Variants in SLC10A7 observed in about 807,000 individuals in gnomAD.
SLC10A7 encodes the protein solute carrier family 10 member 7.
Under a neutral mutation model 43.2 loss-of-function variants are expected in SLC10A7, and 29 were observed. That is an observed-to-expected ratio of 0.67 (90% CI 0.50 to 0.92). SLC10A7 has a LOEUF of 0.92. SLC10A7 is among the 40% of genes least tolerant of loss of function. The pLI is 0.00. For synonymous variants in SLC10A7, 152 were observed against 144.8 expected (o/e 1.05, Z -0.35); for missense variants, 295 against 403.2 (o/e 0.73, Z 2.30).
intron 4 of SLC10A7, among the ~76,000 whole-genome samples, chr4:146,484,196 T>C (rs905568112): frequency 1.3e-5 from 2 of 152,084 alleles, no homozygotes; most frequent in African/African-American, 4.8e-5. Context: ...TACAAAAATA[T>C]TTTCTAAGGT....
intron 2 of SLC10A7, among the ~76,000 whole-genome samples, chr4:146,512,733 A>T (rs1359928802): frequency 6.6e-6 from 1 of 152,210 alleles, no homozygotes; most frequent in Non-Finnish European, 1.5e-5. Flanking sequence ...TACATATATC[A>T]TTTGACCTAG....
At chr4:146,453,403 G>T (rs1199184836) in intron 4 of SLC10A7, among the ~76,000 whole-genome samples, 2 of 151,944 alleles carry the variant, frequency 1.3e-5, no homozygotes, top group Non-Finnish European at 2.9e-5. Flanking sequence ...GACAATATGT[G>T]CATGTTACAG....
intron 5 of SLC10A7, among the ~76,000 whole-genome samples, chr4:146,426,748 G>A (rs768208465): frequency 2.0e-5 from 3 of 151,996 alleles, no homozygotes. Flanking sequence ...GGTGGTATGC[G>A]CCTGTAACCC....
At chr4:146,287,219 G>T (rs989009301) in intron 9 of SLC10A7, among the ~76,000 whole-genome samples, 1 of 151,884 alleles carries the variant, frequency 6.6e-6, no homozygotes, top group Non-Finnish European at 1.5e-5. Context: ...CTGGTGAGAA[G>T]GACCGTCTTT....
chr4:146,470,694 G>T (rs1339054449), intron 4 of SLC10A7, among the ~76,000 whole-genome samples: 2 of 152,086 alleles, frequency 1.3e-5, no homozygotes, highest in Admixed American at 1.3e-4. Context: ...GAAATCATGT[G>T]AATTCTTTTT....
chr4:146,276,311 G>A (rs906287630), intron 10 of SLC10A7, among the ~76,000 whole-genome samples: 3 of 152,152 alleles, frequency 2.0e-5, no homozygotes, highest in African/African-American at 7.2e-5. Flanking sequence ...AGTTGTGGCT[G>A]AACACTACAG....
At chr4:146,352,052 A>C (rs1300156290) in intron 5 of SLC10A7, among the ~76,000 whole-genome samples, 1 of 111,490 alleles carries the variant, frequency 9.0e-6, no homozygotes, top group East Asian at 2.3e-4. Flanking sequence ...CTTTAAATAT[A>C]AATGGACTAA....
At chr4:146,286,646 A>G (rs1489108833) in intron 9 of SLC10A7, among the ~76,000 whole-genome samples, 3 of 147,370 alleles carry the variant, frequency 2.0e-5, no homozygotes, top group Admixed American at 6.7e-5. Flanking sequence ...AGTGGTGAGA[A>G]GGACCGTGTC....
At chr4:146,484,635 T>C (rs916348829) in intron 4 of SLC10A7, among the ~76,000 whole-genome samples, 3 of 152,160 alleles carry the variant, frequency 2.0e-5, no homozygotes, top group African/African-American at 4.8e-5. Context: ...AGATCTAATG[T>C]ACACATGAGG....
intron 10 of SLC10A7, among the ~76,000 whole-genome samples, chr4:146,271,886 C>T (rs1319050081): frequency 1.3e-5 from 2 of 152,138 alleles, no homozygotes; most frequent in African/African-American, 4.8e-5. Flanking sequence ...CTCCCTATTT[C>T]CTTCAGGTAT....
chr4:146,376,041 A>G (rs1737174986), intron 5 of SLC10A7, among the ~76,000 whole-genome samples: 1 of 152,152 alleles, frequency 6.6e-6, no homozygotes, highest in African/African-American at 2.4e-5. Flanking sequence ...ACGTTTACCC[A>G]TTTACTGTAC....
At position 146,521,281 on chromosome 4, in the gene SLC10A7, C is replaced by G. The variant is rs960736540; in HGVS notation, c.100+337G>C. Among the ~76,000 whole-genome samples, 3 of 151,760 alleles carry G rather than the reference C, an allele frequency of 2.0e-5. No homozygotes were observed. In the South Asian group the frequency reaches 6.3e-4, roughly 32 times the overall value. ...AATGAGGTCCACTCCAAGATAGATA[C>G]GGAACTCTTAGCAACCTAGATTCCC... On this transcript the variant is annotated intron_variant, in intron 1 of 11. Coordinates refer to ENST00000335472, the MANE Select transcript of SLC10A7 (RefSeq NM_001029998.6).
At chr4:146,429,010 C>A (rs1729579529) in intron 5 of SLC10A7, among the ~76,000 whole-genome samples, 1 of 152,058 alleles carries the variant, frequency 6.6e-6, no homozygotes, top group East Asian at 1.9e-4. Context: ...TAATCTACTT[C>A]ACAGGATTTT....
intron 5 of SLC10A7, among the ~76,000 whole-genome samples, chr4:146,362,532 T>C (rs1578994773): frequency 6.6e-6 from 1 of 152,074 alleles, no homozygotes; most frequent in East Asian, 1.9e-4. Flanking sequence ...GAACAAATAA[T>C]GTTGTAAATG....
intron 5 of SLC10A7, among the ~76,000 whole-genome samples, chr4:146,364,464 A>G (rs1157109003): frequency 6.6e-6 from 1 of 152,084 alleles, no homozygotes; most frequent in African/African-American, 2.4e-5. Flanking sequence ...TTGAGGAGGA[A>G]GAATAGATTT....
intron 4 of SLC10A7, among the ~76,000 whole-genome samples, chr4:146,489,629 C>T (rs949934516): frequency 2.0e-5 from 3 of 152,134 alleles, no homozygotes; most frequent in Non-Finnish European, 4.4e-5. Flanking sequence ...GAACTGCCCA[C>T]GGGTTAAAAG....
chr4:146,272,691 A>T (rs1728969952), intron 10 of SLC10A7, among the ~76,000 whole-genome samples: 1 of 152,202 alleles, frequency 6.6e-6, no homozygotes, highest in Non-Finnish European at 1.5e-5. Context: ...GCAAGTTGAA[A>T]TTGAGAGATA....
intron 5 of SLC10A7, among the ~76,000 whole-genome samples, chr4:146,431,288 G>A (rs1729757211): frequency 6.6e-6 from 1 of 151,974 alleles, no homozygotes; most frequent in South Asian, 2.1e-4. Flanking sequence ...GATTTACAGG[G>A]CAAAAAAACA....
intron 4 of SLC10A7, among the ~76,000 whole-genome samples, chr4:146,502,365 C>T (rs1579353895): frequency 6.6e-6 from 1 of 152,250 alleles, no homozygotes; most frequent in Non-Finnish European, 1.5e-5. Context: ...AAAAGTTAAA[C>T]ATACACATGT....
Sources: allele counts gnomAD v4.1 joint callset (sites outside exome capture counted in the v4.1 genomes callset), GRCh38; gene constraint gnomAD v4.1.1; transcripts MANE v1.5; gene names NCBI Gene and HGNC (gene_info 2026-07-23, HGNC 2026-07-21).